ABCB5: variants seen among roughly 807,000 people sequenced by gnomAD.
ABCB5 encodes ATP-binding cassette sub-family B member 5.
A neutral mutation model predicts 144.2 loss-of-function variants in ABCB5; 155 were observed. The ratio of observed to expected loss-of-function variants is 1.08; its 90% CI spans 0.94 to 1.23. The LOEUF is 1.23. Among genes scored for constraint, ABCB5 ranks in the 50% most tolerant of loss-of-function variants. The pLI, the probability that ABCB5 is intolerant of heterozygous loss-of-function variation, is 0.00. For missense variants in ABCB5, 1,830 were observed against 1,520.8 expected, an observed-to-expected ratio of 1.20 and a Z score of -3.38; for synonymous variants, 610 against 528.6, an observed-to-expected ratio of 1.15 and a Z score of -2.11.
At chr7:20,727,215 G>GCTA in intron 22 of ABCB5, 75 bp downstream of exon 22, 1 of 981,628 alleles carries the variant, frequency 1.0e-6, no homozygotes, top group Non-Finnish European at 1.5e-6. Context: ...TGACTCCAGT[G>GCTA]GTTTGCCTGC....
intron 11 of ABCB5, among the ~76,000 whole-genome samples, chr7:20,649,347 G>C (rs1753254461): frequency 6.6e-6 from 1 of 152,128 alleles, no homozygotes; most frequent in Admixed American, 6.6e-5. Context: ...CCCCTGTTTA[G>C]GGCTAACTAC....
intron 26 of ABCB5, among the ~76,000 whole-genome samples, chr7:20,746,146 C>G (rs1259699099): frequency 1.3e-5 from 2 of 151,972 alleles, no homozygotes; most frequent in African/African-American, 2.4e-5. Context: ...GTTGCCCAGG[C>G]TAGAGTTCCA....
chr7:20,623,385 A>T (rs1190643591), intron 2 of ABCB5, 47 bp downstream of exon 2: 5 of 1,427,094 alleles, frequency 3.5e-6, no homozygotes, highest in Non-Finnish European at 4.8e-6. Flanking sequence ...AACTTCAAAT[A>T]TAACTCATCC....
chr7:20,748,304 G>C (rs1782793129), intron 26 of ABCB5, among the ~76,000 whole-genome samples: 1 of 152,082 alleles, frequency 6.6e-6, no homozygotes, highest in Non-Finnish European at 1.5e-5. Context: ...TAGGTTTTTA[G>C]GGAAGAAAAG....
chr7:20,616,303 TG>T (rs1783683816), intron 1 of ABCB5, among the ~76,000 whole-genome samples: 1 of 152,242 alleles, frequency 6.6e-6, no homozygotes, highest in African/African-American at 2.4e-5. Flanking sequence ...CCCAAAGTGC[TG>T]GGATTACAGG....
chr7:20,729,849 G>A (rs975592167), intron 23 of ABCB5, among the ~76,000 whole-genome samples: 85 of 152,114 alleles, frequency 5.6e-4, no homozygotes, highest in African/African-American at 2.0e-3. Flanking sequence ...AGAACACACT[G>A]GGCACTTCTC....
At chr7:20,737,122 C>T (rs147420174) in intron 23 of ABCB5, among the ~76,000 whole-genome samples, 2 of 151,686 alleles carry the variant, frequency 1.3e-5, no homozygotes, top group African/African-American at 4.8e-5. Context: ...CATGCCACTG[C>T]ACTCCAGCCT....
chr7:20,725,259 G>T (rs1208060649), intron 21 of ABCB5, among the ~76,000 whole-genome samples: 1 of 151,002 alleles, frequency 6.6e-6, no homozygotes, highest in Admixed American at 6.6e-5. Flanking sequence ...GTGTAGATTT[G>T]GAAAAATTAT....
chr7:20,681,081 T>C (rs1785804183), intron 14 of ABCB5, among the ~76,000 whole-genome samples: 1 of 19,422 alleles, frequency 5.1e-5, no homozygotes, highest in Non-Finnish European at 9.1e-5. Flanking sequence ...TCTTTCTTTC[T>C]TTCTTTCTTT....
At chr7:20,711,858 T>TTTTCTTTCTTTCC (rs1787075149) in intron 20 of ABCB5, among the ~76,000 whole-genome samples, 3 of 72,862 alleles carry the variant, frequency 4.1e-5, no homozygotes, top group Non-Finnish European at 5.1e-5. Context: ...TCTTTCTTTC[T>TTTTCTTTCTTTCC]TTCCTTCCTC....
chr7:20,711,845 T>TTTCTTTC (rs1491581715), intron 20 of ABCB5, among the ~76,000 whole-genome samples: 15 of 10,238 alleles, frequency 1.5e-3, no homozygotes, highest in Admixed American at 4.1e-3. Flanking sequence ...TCTTTCTTTC[T>TTTCTTTC]TTTCTTTCTT....
chr7:20,711,585 C>T (rs1294781607), intron 20 of ABCB5, among the ~76,000 whole-genome samples: 1 of 148,158 alleles, frequency 6.7e-6, no homozygotes, highest in Non-Finnish European at 1.5e-5. Flanking sequence ...CTTCAGCCTC[C>T]TGAGTAGCTG....
chr7:20,662,057 G>A (rs1785020938), intron 14 of ABCB5, among the ~76,000 whole-genome samples: 1 of 152,120 alleles, frequency 6.6e-6, no homozygotes, highest in Non-Finnish European at 1.5e-5. Flanking sequence ...AGGCCCCTGG[G>A]GAAGCCAAGG....
chr7:20,717,063 G>A (rs984149025), intron 20 of ABCB5, among the ~76,000 whole-genome samples: 2 of 152,084 alleles, frequency 1.3e-5, no homozygotes, highest in African/African-American at 4.8e-5. Context: ...AGCTTGAGAT[G>A]ACCCCGCACC....
At chr7:20,669,737 A>AAAG (rs1554282930) in intron 14 of ABCB5, among the ~76,000 whole-genome samples, 34 of 110,338 alleles carry the variant, frequency 3.1e-4, no homozygotes, top group African/African-American at 1.2e-3. Context: ...AAAAAAAAAA[A>AAAG]AAAAAAGAAA....
intron 5 of ABCB5, chr7:20,641,907 T>G (rs1355141423): frequency 6.6e-6 from 1 of 152,326 alleles, no homozygotes; most frequent in East Asian, 1.9e-4. Context: ...GAAAGTTGGT[T>G]GTTCTTGTTC....
chr7:20,723,603 A>G (rs1250280462), intron 21 of ABCB5, among the ~76,000 whole-genome samples: 1 of 152,260 alleles, frequency 6.6e-6, no homozygotes. Context: ...TGCATAAAAC[A>G]CAATGTTATT....
intron 26 of ABCB5, among the ~76,000 whole-genome samples, chr7:20,749,956 T>A (rs1437787627): frequency 6.6e-6 from 1 of 152,206 alleles, no homozygotes; most frequent in Non-Finnish European, 1.5e-5. Context: ...ATAGAGTATA[T>A]AAAGCTATGG....
intron 21 of ABCB5, among the ~76,000 whole-genome samples, chr7:20,726,105 C>T (rs576822196): frequency 6.6e-6 from 1 of 152,202 alleles, no homozygotes; most frequent in East Asian, 1.9e-4. Context: ...CCAAAACTCT[C>T]TTCCATTTTG....
Sources: allele counts gnomAD v4.1 joint callset (sites outside exome capture counted in the v4.1 genomes callset), GRCh38; gene constraint gnomAD v4.1.1; transcripts MANE v1.5; gene names NCBI Gene and HGNC (gene_info 2026-07-23, HGNC 2026-07-21).